ARHGAP21: variants seen among roughly 807,000 people sequenced by gnomAD.
ARHGAP21 encodes rho GTPase-activating protein 21.
A neutral mutation model predicts 164.6 loss-of-function variants in ARHGAP21; 38 were observed. The observed-to-expected ratio is 0.23, with a 90% CI of 0.18 to 0.30. The LOEUF is 0.30. Among genes scored for constraint, ARHGAP21 ranks in the 10% least tolerant of loss-of-function variants. The probability of loss-of-function intolerance (pLI) is 1.00; values close to 1 mark genes in which losing one functional copy is unlikely to be tolerated. For synonymous variants in ARHGAP21, 766 were observed against 857.9 expected, an observed-to-expected ratio of 0.89 and a Z score of 1.87; for missense variants, 1,822 against 2,370.7, an observed-to-expected ratio of 0.77 and a Z score of 4.81.
At chr10:24,637,670 G>A (rs1238137996) in intron 4 of ARHGAP21, among the ~76,000 whole-genome samples, 1 of 152,152 alleles carries the variant, frequency 6.6e-6, no homozygotes, top group Non-Finnish European at 1.5e-5. Flanking sequence ...CCAAAATAAT[G>A]TGGTGTTAAT....
intron 21 of ARHGAP21, among the ~76,000 whole-genome samples, chr10:24,594,020 C>G (rs1264757478): frequency 1.3e-5 from 2 of 152,114 alleles, no homozygotes; most frequent in Non-Finnish European, 2.9e-5. Flanking sequence ...AGAACATGCA[C>G]AGTCACTAAA....
At position 24,584,852 on chromosome 10, in the gene ARHGAP21, T is replaced by C. The variant is rs1177275565; in HGVS notation, c.5437A>G (p.Ile1813Val). The change falls in exon 26 of 26, where the codon ATC becomes GTC. Residue 1813 changes from isoleucine to valine, a missense_variant. Transcript: ENST00000396432. Reference sequence around the variant, plus strand: ...ACTTTCCAAAAATTCAAAACGCTGATTTCGGTAGCATCTCTGTGCCCTCCT... The same window carrying C: ...ACTTTCCAAAAATTCAAAACGCTGACTTCGGTAGCATCTCTGTGCCCTCCT... ...TLGGHRDATE[I>V]SVLNFWKVHE... The C allele has an allele frequency of 1.2e-6, 2 of 1,613,874 alleles. No homozygotes were observed. Among genetic ancestry groups the C allele is most frequent in the Admixed American group, 1.7e-5 (1 of 60,002 alleles).
At chr10:24,629,947 G>T in intron 7 of ARHGAP21, 49 bp downstream of exon 7, 1 of 1,291,062 alleles carries the variant, frequency 7.7e-7, no homozygotes, top group Non-Finnish European at 1.1e-6. Context: ...AATATTTTCC[G>T]AACATTCATG....
chr10:24,648,688 G>A (rs948694657), intron 4 of ARHGAP21: 1 of 515,188 alleles, frequency 1.9e-6, no homozygotes, highest in African/African-American at 2.1e-5. Context: ...GCTGAGGCAG[G>A]AGAATTGCTT....
intron 4 of ARHGAP21, among the ~76,000 whole-genome samples, chr10:24,657,130 G>GC (rs1839107521): frequency 3.3e-5 from 1 of 30,532 alleles, no homozygotes; most frequent in African/African-American, 1.7e-4. Context: ...GGGGGGGTCA[G>GC]CCCCCCTGCC....
Position 24,609,177 on chromosome 10 carries a change from G to T in ARHGAP21, c.2423-1274C>A, listed in dbSNP as rs575214005. Among the ~76,000 whole-genome samples, 17 of 152,184 alleles carry T rather than the reference G, an allele frequency of 1.1e-4. No individual in the cohort carries two copies. The South Asian group carries it at 3.1e-3, about 28-fold the overall frequency. ...TATGAATACATCTTTAATTATACTG[G>T]GATAAATCTTTGAGGAGAATGATTT... On this transcript the variant is annotated intron_variant, in intron 9 of 25. Coordinates refer to ENST00000396432, the MANE Select transcript of ARHGAP21 (RefSeq NM_020824.4).
chr10:24,695,920 G>A (rs183362582), intron 2 of ARHGAP21, among the ~76,000 whole-genome samples: 2 of 152,288 alleles, frequency 1.3e-5, no homozygotes, highest in African/African-American at 4.8e-5. Context: ...TGACAGCCTC[G>A]AAAGACCCTG....
chr10:24,613,221 G>A (rs1424105221), intron 9 of ARHGAP21, among the ~76,000 whole-genome samples: 1 of 152,160 alleles, frequency 6.6e-6, no homozygotes, highest in African/African-American at 2.4e-5. Flanking sequence ...CCTGGAGAAA[G>A]AATGTTTAAA....
rs2076599822 is a variant in ARHGAP21 at position 24,596,728 on chromosome 10, G to C, written c.3477+12C>G. The C allele has an allele frequency of 2.5e-6, 4 of 1,613,364 alleles. No individual in the cohort carries two copies. The highest frequency in any genetic ancestry group is 3.4e-6 in the Non-Finnish European group (4 of 1,179,800). ...ATGACTTGAGGAAATCCGGTGGGCT[G>C]GTGTCTCCTACCCGATTAGTATGAG... is the stretch of plus-strand genomic sequence containing the variant. On this transcript the variant is annotated intron_variant, in intron 17 of 25. Transcript: ENST00000396432.
At position 24,723,550 on chromosome 10, in the gene ARHGAP21, C is replaced by T. The variant is rs1046572286; in HGVS notation, c.-381+12G>A. On this transcript the variant is annotated intron_variant, in intron 1 of 25. Transcript: ENST00000396432. ...CCTCTCGGCTGAGACGGAAAAGAAA[C>T]CAGACACGCACCAGAGGAAGCGGGA... The T allele has an allele frequency of 4.1e-5, 6 of 147,700 alleles. No individual in the cohort carries two copies. The highest frequency in any genetic ancestry group is 1.5e-4 in the African/African-American group (6 of 40,904). The allele number at this position is 147,700 out of a possible 1,614,324, so 9.1% of individuals were successfully genotyped here.
At chr10:24,595,567 T>A (rs2076545678) in intron 19 of ARHGAP21, 150 bp downstream of exon 19, 3 of 738,714 alleles carry the variant, frequency 4.1e-6, no homozygotes, top group Non-Finnish European at 6.5e-6. Flanking sequence ...CTAAATAACT[T>A]TTATGTTTTT....
Position 24,632,277 on chromosome 10 carries a change from G to GATATTAACA in ARHGAP21, c.440+1116_440+1124dup, listed in dbSNP as rs1835921109. On this transcript the variant is annotated intron_variant, in intron 6 of 25. Transcript: ENST00000396432. Reference sequence around the variant, plus strand: ...TGATTAAGTTGGTTTTTAAAGAAGAGATATTAACAAATACACTAAGTCTTT... The same window carrying GATATTAACA: ...TGATTAAGTTGGTTTTTAAAGAAGAGATATTAACAATATTAACAAATACACTAAGTCTTT... Among the ~76,000 whole-genome samples the GATATTAACA allele has an allele frequency of 2.0e-5, 3 of 152,150 alleles. No homozygotes were observed. In the South Asian group the frequency reaches 6.2e-4, roughly 32 times the overall value.
At chr10:24,697,958 TG>T (rs1460344720) in intron 2 of ARHGAP21, among the ~76,000 whole-genome samples, 1 of 152,134 alleles carries the variant, frequency 6.6e-6, no homozygotes, top group South Asian at 2.1e-4. Context: ...GTACTGCATT[TG>T]GGGGGGAAAT....
At chr10:24,662,791 A>G (rs1483060367) in intron 4 of ARHGAP21, among the ~76,000 whole-genome samples, 19 of 152,098 alleles carry the variant, frequency 1.2e-4, no homozygotes, top group Non-Finnish European at 2.8e-4. Context: ...TAGTTTTCTG[A>G]TTTTTAAAAT....
At chr10:24,602,993 C>T (rs937915868) in intron 12 of ARHGAP21, among the ~76,000 whole-genome samples, 6 of 152,144 alleles carry the variant, frequency 3.9e-5, no homozygotes, top group African/African-American at 1.2e-4. Context: ...GGGGTAACTG[C>T]GGTCTAATCA....
rs559029525 is a variant in ARHGAP21 at position 24,596,238 on chromosome 10, A to G, written c.3478-195T>C. The G allele has an allele frequency of 6.1e-6, 3 of 494,828 alleles. 1 individual carries two copies. In the East Asian group the frequency reaches 1.0e-4, roughly 17 times the overall value. The allele number at this position is 494,828 out of a possible 1,614,324, so 30.7% of individuals were successfully genotyped here. On this transcript the variant is annotated intron_variant, in intron 17 of 25. Transcript: ENST00000396432. Reference sequence around the variant, plus strand: ...TTGAGACAGTAAGAAGAGAACAAAGAGACTGAAAGAAAGAGAGGGACCCCC... The same window carrying G: ...TTGAGACAGTAAGAAGAGAACAAAGGGACTGAAAGAAAGAGAGGGACCCCC...
chr10:24,630,539 T>C (rs1835753959), intron 6 of ARHGAP21, among the ~76,000 whole-genome samples: 1 of 152,212 alleles, frequency 6.6e-6, no homozygotes, highest in Non-Finnish European at 1.5e-5. Flanking sequence ...TCACCCCGGC[T>C]GGAGTGCAGT....
At chr10:24,714,096 G>C (rs12261583) in intron 2 of ARHGAP21, among the ~76,000 whole-genome samples, 191 of 152,300 alleles carry the variant, frequency 1.3e-3, no homozygotes, top group African/African-American at 4.1e-3. Flanking sequence ...TTTCGTTTTA[G>C]TAATCTAATC....
chr10:24,715,495 T>G (rs927798717), intron 2 of ARHGAP21, among the ~76,000 whole-genome samples: 1 of 152,242 alleles, frequency 6.6e-6, no homozygotes, highest in Non-Finnish European at 1.5e-5. Context: ...TTAATTATCA[T>G]GATCTCATCT....
Sources: gnomAD v4.1 joint callset for allele counts (sites outside exome capture counted in the v4.1 genomes callset) on GRCh38, gnomAD v4.1.1 for gene constraint, MANE v1.5 for transcripts, NCBI Gene and HGNC (gene_info 2026-07-23, HGNC 2026-07-21) for gene names.